Variants in COL25A1 observed in about 807,000 individuals in gnomAD.
COL25A1 encodes collagen type XXV alpha 1 chain.
In COL25A1, 103 loss-of-function variants were observed where a neutral mutation model predicts 128.4. That is an observed-to-expected ratio of 0.80 (90% confidence interval 0.68 to 0.94). The LOEUF (loss-of-function observed/expected upper bound fraction) is 0.94, where lower values mean the gene tolerates loss of function less well. Among genes scored for constraint, COL25A1 ranks in the 40% least tolerant of loss-of-function variants. The pLI is 0.00. For synonymous variants in COL25A1, 279 were observed against 277.2 expected, an observed-to-expected ratio of 1.01 and a Z score of -0.06; for missense variants, 745 against 840.0, an observed-to-expected ratio of 0.89 and a Z score of 1.40.
At chr4:109,125,034 G>A (rs1046022713) in intron 3 of COL25A1, among the ~76,000 whole-genome samples, 5 of 151,844 alleles carry the variant, frequency 3.3e-5, no homozygotes, top group Non-Finnish European at 5.9e-5. Context: ...CACACTTTTC[G>A]CCTAGAATAA....
intron 19 of COL25A1, among the ~76,000 whole-genome samples, chr4:108,869,762 A>G (rs1047345644): frequency 3.9e-5 from 6 of 152,166 alleles, no homozygotes; most frequent in African/African-American, 1.4e-4. Context: ...CCCAAAATCT[A>G]TAAGAAAATT....
intron 3 of COL25A1, among the ~76,000 whole-genome samples, chr4:109,134,931 A>G (rs1030853561): frequency 1.3e-5 from 2 of 151,984 alleles, no homozygotes; most frequent in African/African-American, 4.8e-5. Context: ...TAGAGGGTCA[A>G]AATAGAACCT....
chr4:108,906,826 T>A (rs1270178186), intron 13 of COL25A1, among the ~76,000 whole-genome samples: 1 of 152,138 alleles, frequency 6.6e-6, no homozygotes, highest in Non-Finnish European at 1.5e-5. Flanking sequence ...TTAAAACCAC[T>A]CATACATAAT....
intron 3 of COL25A1, among the ~76,000 whole-genome samples, chr4:109,085,997 C>T (rs1200366310): frequency 2.0e-5 from 3 of 152,152 alleles, no homozygotes; most frequent in African/African-American, 2.4e-5. Context: ...ACTAAGGAAG[C>T]CCCAGGAGGA....
intron 8 of COL25A1, among the ~76,000 whole-genome samples, chr4:108,955,449 G>A (rs1749962971): frequency 1.3e-5 from 2 of 152,112 alleles, no homozygotes; most frequent in Non-Finnish European, 2.9e-5. Context: ...TATCCAATTT[G>A]TGAATTACTA....
chr4:109,211,153 C>T (rs1376882583), intron 3 of COL25A1, among the ~76,000 whole-genome samples: 2 of 150,640 alleles, frequency 1.3e-5, no homozygotes, highest in African/African-American at 2.4e-5. Context: ...AACAAACCTG[C>T]ATTGCATATG....
intron 3 of COL25A1, among the ~76,000 whole-genome samples, chr4:109,066,848 T>C (rs1762495141): frequency 6.6e-6 from 1 of 152,046 alleles, no homozygotes; most frequent in Admixed American, 6.5e-5. Context: ...TTGCTATCTT[T>C]TAGTAGAGAT....
In COL25A1 at chr4:109,091,302, C is replaced by T. The variant is rs560535739; in HGVS notation, c.368-41123G>A. 1.1e-4 allele frequency among the ~76,000 whole-genome samples: 17 copies of T among 152,276 alleles called. No individual in the cohort carries two copies. In the South Asian group the frequency reaches 3.3e-3, roughly 30 times the overall value. ...CTCTGTGTTTGTGCTCACGAATACC[C>T]TCTTCTCCCCTTTTTGTCTCTCTAA... On this transcript the variant is annotated intron_variant, in intron 3 of 37. Transcript: ENST00000399132.
intron 11 of COL25A1, among the ~76,000 whole-genome samples, chr4:108,935,829 G>A (rs1311154116): frequency 6.6e-6 from 1 of 152,128 alleles, no homozygotes; most frequent in Non-Finnish European, 1.5e-5. Context: ...ATGTAAGAGA[G>A]AATTCCTTGA....
intron 6 of COL25A1, among the ~76,000 whole-genome samples, chr4:108,989,150 T>C (rs1391999350): frequency 3.3e-5 from 5 of 152,236 alleles, no homozygotes; most frequent in African/African-American, 9.6e-5. Context: ...CTGGCCCAAA[T>C]TGGGACTGGA....
intron 3 of COL25A1, among the ~76,000 whole-genome samples, chr4:109,076,837 C>G (rs1297501287): frequency 6.6e-6 from 1 of 151,910 alleles, no homozygotes; most frequent in Admixed American, 6.6e-5. Flanking sequence ...ATGCACAGTT[C>G]ACAATAGGAT....
chr4:108,864,248 T>C (rs930685322), intron 20 of COL25A1, among the ~76,000 whole-genome samples: 1 of 152,222 alleles, frequency 6.6e-6, no homozygotes, highest in African/African-American at 2.4e-5. Flanking sequence ...GCCATCATTA[T>C]ACCTCAAGAT....
chr4:109,140,576 T>G (rs1202711213), intron 3 of COL25A1, among the ~76,000 whole-genome samples: 1 of 152,196 alleles, frequency 6.6e-6, no homozygotes, highest in African/African-American at 2.4e-5. Flanking sequence ...CATGGAATGT[T>G]TTTCCATTTG....
intron 20 of COL25A1, among the ~76,000 whole-genome samples, chr4:108,865,825 CA>C (rs1737842084): frequency 6.6e-6 from 1 of 152,180 alleles, no homozygotes; most frequent in Non-Finnish European, 1.5e-5. Flanking sequence ...TGGCTATTCA[CA>C]GGCACTATCA....
intron 3 of COL25A1, among the ~76,000 whole-genome samples, chr4:109,084,118 T>G (rs1053686935): frequency 1.3e-5 from 2 of 152,180 alleles, no homozygotes; most frequent in South Asian, 4.1e-4. Flanking sequence ...TCATTTTAAG[T>G]CCCCTTCCAA....
At chr4:109,058,790 G>A (rs549593485) in intron 3 of COL25A1, among the ~76,000 whole-genome samples, 2 of 152,156 alleles carry the variant, frequency 1.3e-5, no homozygotes, top group African/African-American at 4.8e-5. Context: ...ATATTTAAGC[G>A]GGTGCTAAAT....
chr4:108,978,250 T>C (rs1578958343), intron 6 of COL25A1, among the ~76,000 whole-genome samples: 1 of 152,230 alleles, frequency 6.6e-6, no homozygotes, highest in Non-Finnish European at 1.5e-5. Context: ...TCAACCTCCA[T>C]GCACAGCTGC....
chr4:108,948,895 T>C (rs945210865), intron 8 of COL25A1, among the ~76,000 whole-genome samples: 22 of 152,202 alleles, frequency 1.4e-4, no homozygotes, highest in African/African-American at 5.1e-4. Context: ...ATGCAAAGTA[T>C]AAGAAAAGTG....
At chr4:109,034,316 T>G (rs1759139414) in intron 5 of COL25A1, among the ~76,000 whole-genome samples, 1 of 152,150 alleles carries the variant, frequency 6.6e-6, no homozygotes, top group Non-Finnish European at 1.5e-5. Flanking sequence ...TCTGGAAAAT[T>G]TGTTGGCTAT....
Sources: allele counts gnomAD v4.1 joint callset (sites outside exome capture counted in the v4.1 genomes callset), GRCh38; gene constraint gnomAD v4.1.1; transcripts MANE v1.5; gene names NCBI Gene and HGNC (gene_info 2026-07-23, HGNC 2026-07-21).